The following NBPF8 variants were observed in gnomAD, a reference collection of about 807,000 sequenced individuals.
NBPF8 encodes NBPF member 8, also known as NBPF family member NBPF8.
intron 12 of NBPF8, among the ~76,000 whole-genome samples, chr1:120,451,719 G>A (rs1553248841): frequency 6.1e-5 from 9 of 148,068 alleles, no homozygotes; most frequent in African/African-American, 7.6e-5. Context: ...TTTTCAATTC[G>A]CCCCATCTGC....
At chr1:120,461,954 C>A (rs1229927481) in intron 19 of NBPF8, among the ~76,000 whole-genome samples, 192 bp from the exon 18 acceptor site, 1 of 92,136 alleles carries the variant, frequency 1.1e-5, no homozygotes, top group African/African-American at 4.7e-5. Context: ...GGAATTTTAC[C>A]CACAGTTTCT....
chr1:120,421,974 T>C (rs1660589454), intron 1 of NBPF8, among the ~76,000 whole-genome samples: 1 of 152,028 alleles, frequency 6.6e-6, no homozygotes, highest in Non-Finnish European at 1.5e-5. Flanking sequence ...CTGCTCTGAC[T>C]CCAGGTTGGT....
chr1:120,452,531 C>T (rs1463452019), intron 13 of NBPF8, among the ~76,000 whole-genome samples, 200 bp downstream of exon 11: 5 of 152,174 alleles, frequency 3.3e-5, no homozygotes, highest in African/African-American at 1.2e-4. Flanking sequence ...GCAAGTGTCC[C>T]TCCTCCCTTG....
chr1:120,464,047 AG>A lies in NBPF8; in HGVS notation n.3286+323del, dbSNP rs1661662173. Among the ~76,000 whole-genome samples the A allele has an allele frequency of 1.4e-4, 6 of 42,958 alleles. 1 individual carries two copies. The highest frequency in any genetic ancestry group is 4.0e-5 in the Non-Finnish European group (1 of 24,966). 28.2% of individuals were successfully genotyped at this position (42,958 alleles called of 152,430 possible). ...TGATCCCTGTATGCTGTGTGTCCTG[AG>A]GGCACTAACTCAGAGTGTCCTGTTA... On this transcript the variant is annotated intron_variant and non_coding_transcript_variant, in intron 22 of 24. Coordinates refer to ENST00000583271, the Ensembl canonical transcript of NBPF8.
At chr1:120,450,801 T>C (rs1661246618) in intron 11 of NBPF8, among the ~76,000 whole-genome samples, 1 of 152,104 alleles carries the variant, frequency 6.6e-6, no homozygotes. Flanking sequence ...CTAGGGGCCT[T>C]CCCGACTGTA....
At chr1:120,428,400 T>C (rs1660781846) in intron 3 of NBPF8, among the ~76,000 whole-genome samples, 1 of 151,912 alleles carries the variant, frequency 6.6e-6, no homozygotes. Context: ...CATTTGGAGG[T>C]AATTCAGTAC....
intron 16 of NBPF8, among the ~76,000 whole-genome samples, chr1:120,456,828 C>T (rs28865699): frequency 6.6e-6 from 1 of 151,842 alleles, no homozygotes; most frequent in East Asian, 1.9e-4. Context: ...GGTTATTTCG[C>T]CCGTTAGTTG....
chr1:120,424,611 C>T (rs1660661147), intron 1 of NBPF8, among the ~76,000 whole-genome samples: 1 of 151,920 alleles, frequency 6.6e-6, no homozygotes, highest in South Asian at 2.1e-4. Context: ...CCACACCTGG[C>T]TAATGTTTGT....
At chr1:120,436,341 G>A (rs1264321700), upstream of NBPF8, 2 of 1,535,428 alleles carry the variant, frequency 1.3e-6, no homozygotes, top group African/African-American at 2.7e-5. Flanking sequence ...TTTTTGTGGT[G>A]AAGGATCCTA....
intron 1 of NBPF8, among the ~76,000 whole-genome samples, chr1:120,422,236 A>C (rs1660597517): frequency 6.6e-6 from 1 of 152,136 alleles, no homozygotes; most frequent in East Asian, 1.9e-4. Context: ...CTATTGATAC[A>C]TCATTATCAA....
At chr1:120,460,057 G>A (rs1226140637) in intron 17 of NBPF8, among the ~76,000 whole-genome samples, 6 of 152,112 alleles carry the variant, frequency 3.9e-5, no homozygotes, top group East Asian at 1.9e-4. Context: ...TGTCCGTCAT[G>A]TTCCTGGTAT....
At chr1:120,425,696 A>C (rs1374273874) in intron 1 of NBPF8, among the ~76,000 whole-genome samples, 1 of 150,656 alleles carries the variant, frequency 6.6e-6, no homozygotes, top group East Asian at 2.0e-4. Flanking sequence ...AAACGCCCAC[A>C]GGTGTGGAGG....
intron 11 of NBPF8, among the ~76,000 whole-genome samples, chr1:120,449,643 C>A (rs1556606442): frequency 6.6e-6 from 1 of 152,178 alleles, no homozygotes; most frequent in Non-Finnish European, 1.5e-5. Flanking sequence ...TTATTGATTT[C>A]TGACACAGGC....
At chr1:120,465,502 GT>G in intron 24 of NBPF8, 131 bp downstream of exon 22, 1 of 490,560 alleles carries the variant, frequency 2.0e-6, no homozygotes. Context: ...ATTGCTGTTG[GT>G]TTTCATTGCA....
At chr1:120,459,473 A>C in exon 17 of NBPF8, 1 of 1,610,812 alleles carries the variant, frequency 6.2e-7, no homozygotes, top group Middle Eastern at 2.3e-4. Flanking sequence ...CAAGTCTTAC[A>C]GCAGCACATT....
intron 3 of NBPF8, among the ~76,000 whole-genome samples, chr1:120,429,237 T>C (rs1373653411): frequency 6.6e-6 from 1 of 151,700 alleles, no homozygotes; most frequent in Non-Finnish European, 1.5e-5. Context: ...GCTGCATCTG[T>C]CTATTACTTC....
At chr1:120,456,826 C>A (rs1238548512) in intron 16 of NBPF8, among the ~76,000 whole-genome samples, 1 of 151,794 alleles carries the variant, frequency 6.6e-6, no homozygotes, top group Non-Finnish European at 1.5e-5. Context: ...CTGGTTATTT[C>A]GCCCGTTAGT....
rs1165030211 is a variant in NBPF8 at position 120,464,230 on chromosome 1, C to T, written n.3287-146C>T. ...TCCATTTGGCCCTGTTCTGTCCCAA[C>T]ATGAAGGCAATAATTTGTTACCTCA... On this transcript the variant is annotated intron_variant and non_coding_transcript_variant, in intron 22 of 24. Coordinates refer to ENST00000583271, the Ensembl canonical transcript of NBPF8. 33 of 587,322 alleles carry T rather than the reference C, an allele frequency of 5.6e-5. 1 individual carries two copies. The highest frequency in any genetic ancestry group is 8.4e-5 in the Non-Finnish European group (28 of 333,654). 36.4% of individuals were successfully genotyped at this position (587,322 alleles called of 1,614,324 possible). A position where few individuals can be genotyped will look rare whatever the true frequency, so the allele number is the denominator to read the frequency against.
chr1:120,450,111 C>T (rs1449705703), intron 11 of NBPF8, among the ~76,000 whole-genome samples: 1 of 152,046 alleles, frequency 6.6e-6, no homozygotes, highest in Non-Finnish European at 1.5e-5. Flanking sequence ...ACTGTAATCA[C>T]CCCTGCTCAG....
Sources: gnomAD v4.1 joint callset for allele counts (sites outside exome capture counted in the v4.1 genomes callset) on GRCh38, gnomAD v4.1.1 for gene constraint, MANE v1.5 for transcripts, NCBI Gene and HGNC (gene_info 2026-07-23, HGNC 2026-07-21) for gene names.